Variants in OPRM1 observed in about 807,000 individuals in gnomAD.
OPRM1 encodes the protein mu-type opioid receptor.
Under a neutral mutation model 31.8 loss-of-function variants are expected in OPRM1, and 27 were observed. The ratio of observed to expected loss-of-function variants is 0.85; its 90% CI spans 0.63 to 1.17. The LOEUF is 1.17. Ranked by LOEUF, OPRM1 falls within the 50% of genes most tolerant of loss-of-function variation. OPRM1 has a pLI of 0.00. For synonymous variants in OPRM1, 196 were observed against 189.9 expected (o/e 1.03, Z -0.26); for missense variants, 536 against 511.1 (o/e 1.05, Z -0.47).
At chr6:154,025,489 A>T (rs936002221) in intron 1 of OPRM1, among the ~76,000 whole-genome samples, 5 of 151,798 alleles carry the variant, frequency 3.3e-5, no homozygotes, top group African/African-American at 1.2e-4. Flanking sequence ...GCTACTCTTT[A>T]TGTTTTGATT....
In OPRM1 at chr6:154,130,172, T is replaced by C. The variant is rs1797813565; in HGVS notation, c.*11451T>C. 7.9e-6 allele frequency among the ~76,000 whole-genome samples: 1 copy of C among 126,372 alleles called. No homozygotes were observed. The highest frequency in any genetic ancestry group is 1.7e-5 in the Non-Finnish European group (1 of 57,982). 82.9% of individuals were successfully genotyped at this position (126,372 alleles called of 152,430 possible). A position where few individuals can be genotyped will look rare whatever the true frequency, so the allele number is the denominator to read the frequency against. Reference sequence around the variant, plus strand: ...TTTCATGGAAATGTTTAAATTTTCTTTTTTTTTTTTTTTTTTGATGGAGTC... The same window carrying C: ...TTTCATGGAAATGTTTAAATTTTCTCTTTTTTTTTTTTTTTTGATGGAGTC... On this transcript the variant is annotated 3_prime_UTR_variant, in exon 4 of 4. Transcript: ENST00000330432.
intron 1 of OPRM1, among the ~76,000 whole-genome samples, chr6:154,019,329 C>A (rs1778205902): frequency 6.6e-6 from 1 of 151,922 alleles, no homozygotes; most frequent in African/African-American, 2.4e-5. Context: ...CACACACACA[C>A]ACAGCCTCCC....
chr6:154,111,691 C>T (rs1796374571), intron 3 of OPRM1, among the ~76,000 whole-genome samples: 1 of 152,100 alleles, frequency 6.6e-6, no homozygotes, highest in Admixed American at 6.5e-5. Context: ...TTTTTTTAAA[C>T]AGGACCAAAA....
chr6:154,093,352 T>C, intron 3 of OPRM1: 1 of 1,614,196 alleles, frequency 6.2e-7, no homozygotes, highest in Non-Finnish European at 8.5e-7. Flanking sequence ...CAAGGACCTC[T>C]TGTCAGATAT....
chr6:154,100,913 G>A lies in OPRM1; in HGVS notation c.1164+9441G>A, dbSNP rs182855454. Among the ~76,000 whole-genome samples the A allele has an allele frequency of 3.2e-3, 478 of 147,670 alleles. 4 individuals are homozygous for A. Among genetic ancestry groups the A allele is most frequent in the Non-Finnish European group, 5.1e-3 (343 of 67,076 alleles). On this transcript the variant is annotated intron_variant, in intron 3 of 3. Transcript: ENST00000330432. ...TATATGTATATATAATCCAGGATTC[G>A]TAATATATATTTACATATTATATAT... is the stretch of plus-strand genomic sequence containing the variant.
chr6:154,036,223 A>C (rs1240941162), upstream of OPRM1, among the ~76,000 whole-genome samples: 1 of 152,084 alleles, frequency 6.6e-6, no homozygotes, highest in African/African-American at 2.4e-5. Flanking sequence ...TAGGTTTCTC[A>C]AGACTGTCAA....
rs2128525727 is a variant in OPRM1, at chr6:154,119,711, T to A, written c.*990T>A. 6.6e-6 allele frequency among the ~76,000 whole-genome samples: 1 copy of A among 152,304 alleles called. No individual in the cohort carries two copies. The highest frequency in any genetic ancestry group is 2.1e-4 in the South Asian group (1 of 4,826). On this transcript the variant is annotated 3_prime_UTR_variant, in exon 4 of 4. Coordinates refer to ENST00000330432, the MANE Select transcript of OPRM1 (RefSeq NM_000914.5). The stretch of plus-strand genomic sequence containing the variant: ...GTTGATTGCCAGAACAGTTTAAACT[T>A]TTTTTAAACAATAAATCCAATAAAC...
intron 3 of OPRM1, among the ~76,000 whole-genome samples, chr6:154,114,397 G>A (rs1205715906): frequency 6.6e-6 from 1 of 151,588 alleles, no homozygotes; most frequent in Non-Finnish European, 1.5e-5. Context: ...CCTTTCAATA[G>A]AATATCATCA....
intron 3 of OPRM1, among the ~76,000 whole-genome samples, chr6:154,220,881 A>C (rs1181561818): frequency 6.6e-6 from 1 of 152,278 alleles, no homozygotes; most frequent in African/African-American, 2.4e-5. Context: ...ATAATCACAC[A>C]GCATATATTA....
At chr6:154,095,517 T>C (rs1242724615) in intron 3 of OPRM1, among the ~76,000 whole-genome samples, 1 of 152,178 alleles carries the variant, frequency 6.6e-6, no homozygotes, top group Non-Finnish European at 1.5e-5. Flanking sequence ...CCTTTTCTCC[T>C]CCTCAGCCTT....
At chr6:154,034,574 TATA>T (rs1779190658), upstream of OPRM1, among the ~76,000 whole-genome samples, 2 of 152,024 alleles carry the variant, frequency 1.3e-5, no homozygotes, top group South Asian at 2.1e-4. Context: ...TAAAATAAAA[TATA>T]ATGATAAAGA....
At chr6:154,113,295 T>C (rs891292380) in intron 3 of OPRM1, among the ~76,000 whole-genome samples, 2 of 152,180 alleles carry the variant, frequency 1.3e-5, no homozygotes, top group Admixed American at 6.5e-5. Context: ...TAGAAAACCA[T>C]GTATCCCTCA....
rs200206841 is a variant in OPRM1, at chr6:154,091,434, C to A, written c.1126C>A (p.Pro376Thr). 5.0e-6 allele frequency: 8 copies of A among 1,613,636 alleles called. No individual in the cohort carries two copies. The highest frequency in any genetic ancestry group is 5.9e-6 in the Non-Finnish European group (7 of 1,180,016). Residue 376 changes from proline (P) to threonine (T), a missense_variant, in exon 3 of 4, where the codon CCC becomes ACC. By Grantham distance (38) the Pro-to-Thr change is conservative. Coordinates refer to ENST00000330432, the MANE Select transcript of OPRM1 (RefSeq NM_000914.5). Reference protein sequence around the residue: ...TRIRQNTRDHPSTANTVDRTN... With the variant: ...TRIRQNTRDHTSTANTVDRTN... ...AATTCGTCAGAACACTAGAGACCAC[C>A]CCTCCACGGCCAATACAGTGGATAG...
At chr6:154,047,049 G>T (rs542282688) in intron 1 of OPRM1, among the ~76,000 whole-genome samples, 3 of 152,148 alleles carry the variant, frequency 2.0e-5, no homozygotes. Context: ...TGAACTGCCA[G>T]GTGTGGTGTT....
At chr6:154,048,840 T>C (rs1781659924) in intron 1 of OPRM1, among the ~76,000 whole-genome samples, 1 of 152,182 alleles carries the variant, frequency 6.6e-6, no homozygotes, top group African/African-American at 2.4e-5. Context: ...GAATATATGG[T>C]TACTCTTATA....
chr6:154,197,351 T>A (rs1182924806), intron 3 of OPRM1, among the ~76,000 whole-genome samples: 1 of 152,252 alleles, frequency 6.6e-6, no homozygotes, highest in Non-Finnish European at 1.5e-5. Flanking sequence ...ATTGGGTTGC[T>A]GTTTCCATAG....
intron 3 of OPRM1, among the ~76,000 whole-genome samples, chr6:154,177,993 C>T (rs1188987763): frequency 1.3e-5 from 2 of 152,088 alleles, no homozygotes; most frequent in African/African-American, 4.8e-5. Flanking sequence ...TTTATAGGGA[C>T]ATGGATGAAG....
chr6:154,075,380 G>T (rs1787645609), intron 1 of OPRM1, among the ~76,000 whole-genome samples: 1 of 151,764 alleles, frequency 6.6e-6, no homozygotes, highest in Non-Finnish European at 1.5e-5. Flanking sequence ...TCATTACAAG[G>T]ATGAAATTAT....
chr6:154,109,345 A>T (rs1796061039), intron 3 of OPRM1, among the ~76,000 whole-genome samples: 1 of 152,258 alleles, frequency 6.6e-6, no homozygotes, highest in Non-Finnish European at 1.5e-5. Context: ...AACAAAAAAA[A>T]TAAAATGTAA....
Sources: gnomAD v4.1 joint callset for allele counts (sites outside exome capture counted in the v4.1 genomes callset) on GRCh38, gnomAD v4.1.1 for gene constraint, MANE v1.5 for transcripts, NCBI Gene and HGNC (gene_info 2026-07-23, HGNC 2026-07-21) for gene names.